The following SLC6A4 variants were observed in gnomAD, a reference collection of about 807,000 sequenced individuals.
SLC6A4 encodes the protein solute carrier family 6 member 4, also known as sodium-dependent serotonin transporter.
Under a neutral mutation model 73.4 loss-of-function variants are expected in SLC6A4, and 22 were observed. The ratio of observed to expected loss-of-function variants is 0.30; its 90% CI spans 0.21 to 0.43. The LOEUF (loss-of-function observed/expected upper bound fraction) is 0.43, where lower values mean the gene tolerates loss of function less well. SLC6A4 is among the 20% of genes least tolerant of loss of function. SLC6A4 has a pLI of 1.00. For synonymous variants in SLC6A4, 270 were observed against 315.5 expected, an observed-to-expected ratio of 0.86 and a Z score of 1.53; for missense variants, 593 against 808.5, an observed-to-expected ratio of 0.73 and a Z score of 3.23.
intron 5 of SLC6A4, 98 bp from the exon 6 acceptor site, chr17:30,217,402 C>T: frequency 1.6e-6 from 2 of 1,238,034 alleles, no homozygotes; most frequent in Non-Finnish European, 2.3e-6. Context: ...GACAAATGGA[C>T]ACGGTGCTGC....
At chr17:30,200,083 G>A (rs1039618355) in intron 14 of SLC6A4, among the ~76,000 whole-genome samples, 1 of 152,166 alleles carries the variant, frequency 6.6e-6, no homozygotes, top group African/African-American at 2.4e-5. Context: ...TGTCTTAAGT[G>A]GAGCTATCAC....
chr17:30,198,463 G>C lies in SLC6A4; in HGVS notation c.1886C>G (p.Ala629Gly). The stretch of plus-strand genomic sequence containing the variant: ...TTCCTCTCGGTGAGTGTGTTACACA[G>C]CATTCAAGCGGATGTCCCCACAAGG... ...EIPCGDIRLN[A>G]V Residue 629 changes from alanine to glycine, a missense_variant, in exon 15 of 15, where the codon GCT becomes GGT. Physicochemically the swap from Ala to Gly is moderately conservative, Grantham distance 60. Transcript: ENST00000650711. 6.3e-7 allele frequency: 1 copy of C among 1,597,258 alleles called. No homozygotes were observed. Among genetic ancestry groups the C allele is most frequent in the Non-Finnish European group, 8.6e-7 (1 of 1,165,184 alleles).
intron 8 of SLC6A4, 87 bp downstream of exon 8, chr17:30,215,523 AG>A: frequency 9.2e-7 from 1 of 1,082,218 alleles, no homozygotes; most frequent in Non-Finnish European, 1.4e-6. Context: ...GCCAGATTCG[AG>A]GCCGTCGGTC....
chr17:30,216,647 A>G (rs1906584409), intron 6 of SLC6A4, among the ~76,000 whole-genome samples: 1 of 150,848 alleles, frequency 6.6e-6, no homozygotes, highest in South Asian at 2.1e-4. Flanking sequence ...GCATTGGCCC[A>G]TTTCTAGAAA....
At chr17:30,234,612 A>G (rs1907215577) in intron 1 of SLC6A4, among the ~76,000 whole-genome samples, 1 of 152,228 alleles carries the variant, frequency 6.6e-6, no homozygotes, top group Non-Finnish European at 1.5e-5. Context: ...TTCATTAAAC[A>G]CAAGTCCCAA....
At position 30,235,431 on chromosome 17, in the gene SLC6A4, T is replaced by C. The variant is rs1907240756; in HGVS notation, c.-221+182A>G. ...CCCACTCTGGCCGGTCAGCTTCAGC[T>C]CTGGCTCTTGCTGAGCGTGGAGGGC... is the stretch of plus-strand genomic sequence containing the variant. On this transcript the variant is annotated intron_variant, in intron 1 of 14. Transcript: ENST00000650711. The surrounding 1 kb of genome is among the most constrained non-coding windows in gnomAD (Gnocchi z 4.5). Among the ~76,000 whole-genome samples, 1 of 152,158 alleles carries C rather than the reference T, an allele frequency of 6.6e-6. No homozygotes were observed. The highest frequency in any genetic ancestry group is 2.4e-5 in the African/African-American group (1 of 41,432).
chr17:30,219,083 A>T, intron 3 of SLC6A4, 152 bp from the exon 4 acceptor site: 1 of 846,240 alleles, frequency 1.2e-6, no homozygotes, highest in Non-Finnish European at 1.9e-6. Flanking sequence ...CTCTGGTCTC[A>T]GTGCTTTGCT....
chr17:30,232,159 GA>G (rs1310202396), intron 1 of SLC6A4, among the ~76,000 whole-genome samples: 1 of 152,194 alleles, frequency 6.6e-6, no homozygotes, highest in Non-Finnish European at 1.5e-5. Context: ...TATACACACA[GA>G]AAGGTCACAC....
rs1567819017 is a variant in SLC6A4 at position 30,214,983 on chromosome 17, T to TCCTTCC, written c.1076+627_1076+628insGGAAGG. Among the ~76,000 whole-genome samples the TCCTTCC allele has an allele frequency of 7.5e-5, 7 of 93,582 alleles. No homozygotes were observed. In the South Asian group the frequency reaches 1.7e-3, roughly 22 times the overall value. 61.4% of individuals were successfully genotyped at this position (93,582 alleles called of 152,430 possible). On this transcript the variant is annotated intron_variant, in intron 8 of 14. Coordinates refer to ENST00000650711, the MANE Select transcript of SLC6A4 (RefSeq NM_001045.6). ...CCTTCCTTCTTTCTTCTTTCTTTCTTTTTCTTTCCTTCCTTCCTTTCTTTC... is the reference window on the plus strand; with the variant it reads ...CCTTCCTTCTTTCTTCTTTCTTTCTTCCTTCCTTTCTTTCCTTCCTTCCTTTCTTTC...
chr17:30,231,317 A>ATATATATAGTGTG (rs1567824607), intron 1 of SLC6A4, among the ~76,000 whole-genome samples: 1 of 150,996 alleles, frequency 6.6e-6, no homozygotes, highest in East Asian at 1.9e-4. Flanking sequence ...ATACCTACAG[A>ATATATATAGTGTG]TATATATATA....
At chr17:30,220,672 G>C (rs1479528213) in intron 3 of SLC6A4, among the ~76,000 whole-genome samples, 2 of 152,170 alleles carry the variant, frequency 1.3e-5, no homozygotes, top group Non-Finnish European at 2.9e-5. Context: ...GAAGCATCTG[G>C]GACTCTGAAG....
chr17:30,222,312 A>G (rs1906791364), intron 2 of SLC6A4, among the ~76,000 whole-genome samples: 1 of 152,234 alleles, frequency 6.6e-6, no homozygotes, highest in African/African-American at 2.4e-5. Context: ...CAATAAAACC[A>G]ACACAAATAG....
Position 30,195,948 on chromosome 17 carries a change from C to G in SLC6A4, c.*2508G>C, listed in dbSNP as rs1264493126. On this transcript the variant is annotated 3_prime_UTR_variant, in exon 15 of 15. Transcript: ENST00000650711. ...TCTCCTGCCTCAGCCTCCCAAGTAG[C>G]AGGAATTATAGGCGCCTGCCACCAC... 1 of 151,746 alleles carries G rather than the reference C, an allele frequency of 6.6e-6. No homozygotes were observed. The highest frequency in any genetic ancestry group is 1.9e-4 in the East Asian group (1 of 5,156). 9.4% of individuals were successfully genotyped at this position (151,746 alleles called of 1,614,324 possible).
At chr17:30,212,161 CA>C (rs1312647262) in intron 9 of SLC6A4, among the ~76,000 whole-genome samples, 2 of 152,040 alleles carry the variant, frequency 1.3e-5, no homozygotes, top group African/African-American at 2.4e-5. Flanking sequence ...TCTTTTTCTG[CA>C]AGGGGCAGTT....
In SLC6A4 at chr17:30,211,421, G is replaced by C. The variant is rs954957737; in HGVS notation, c.1208C>G (p.Pro403Arg). 6.2e-7 allele frequency: 1 copy of C among 1,607,864 alleles called. No individual in the cohort carries two copies. Among genetic ancestry groups the C allele is most frequent in the Non-Finnish European group, 8.5e-7 (1 of 1,174,370 alleles). ...TGCATACGTGATGAAGAGGAGGCTGGGACCTGAGACAGAGGGGAGAGAGGA... is the reference window on the plus strand; with the variant it reads ...TGCATACGTGATGAAGAGGAGGCTGCGACCTGAGACAGAGGGGAGAGAGGA... Reference protein sequence around the residue: ...DVSEVAKDAGPSLLFITYAEA... With the variant: ...DVSEVAKDAGRSLLFITYAEA... Residue 403 changes from proline to arginine, a missense_variant, in exon 10 of 15, where the codon CCC (proline) becomes CGC (arginine). Transcript: ENST00000650711. The surrounding 1 kb of genome is among the most constrained non-coding windows in gnomAD (Gnocchi z 4.0).
At chr17:30,215,027 C>CTTTCTTTTT (rs1567819083) in intron 8 of SLC6A4, among the ~76,000 whole-genome samples, 4 of 116,766 alleles carry the variant, frequency 3.4e-5, no homozygotes, top group African/African-American at 1.4e-4. Context: ...TTTCTTTTTT[C>CTTTCTTTTT]TTTCTTTCTT....
At chr17:30,212,333 C>A (rs908451877) in intron 9 of SLC6A4, among the ~76,000 whole-genome samples, 1 of 152,230 alleles carries the variant, frequency 6.6e-6, no homozygotes, top group African/African-American at 2.4e-5. Context: ...CCTGTCCCTG[C>A]ATGGCCTGAA....
intron 8 of SLC6A4, among the ~76,000 whole-genome samples, chr17:30,214,636 T>C (rs1906496404): frequency 7.4e-6 from 1 of 135,906 alleles, no homozygotes; most frequent in Non-Finnish European, 1.5e-5. Flanking sequence ...CTTTCTTTCT[T>C]TTTTTTTTTT....
rs1423480924 is a variant in SLC6A4, at chr17:30,199,718, G to A, written c.1819-1188C>T. Reference sequence around the variant, plus strand: ...ATCCGTTTAAAAAGGAGTCATTGCAGGGAGTTTAAAAAGGAGTCATCCGTT... The same window carrying A: ...ATCCGTTTAAAAAGGAGTCATTGCAAGGAGTTTAAAAAGGAGTCATCCGTT... On this transcript the variant is annotated intron_variant, in intron 14 of 14. Coordinates refer to ENST00000650711, the MANE Select transcript of SLC6A4 (RefSeq NM_001045.6). Among the ~76,000 whole-genome samples the A allele has an allele frequency of 2.0e-5, 3 of 152,088 alleles. No individual in the cohort carries two copies. The East Asian group carries it at 5.8e-4, about 29-fold the overall frequency.
Sources: gnomAD v4.1 joint callset for allele counts (sites outside exome capture counted in the v4.1 genomes callset) on GRCh38, gnomAD v4.1.1 for gene constraint, Gnocchi (gnomAD v3.1) non-coding constraint, MANE v1.5 for transcripts, NCBI Gene and HGNC (gene_info 2026-07-23, HGNC 2026-07-21) for gene names.